The following TCF4 variants were observed in gnomAD, a reference collection of about 807,000 sequenced individuals.
TCF4 encodes the protein transcription factor 4.
TCF4 carries 3 observed loss-of-function variants against 82.1 expected under a neutral mutation model. The observed-to-expected ratio is 0.04, with a 90% CI of 0.02 to 0.09. TCF4 has a LOEUF of 0.09. Ranked by LOEUF, TCF4 falls within the 10% of genes least tolerant of loss-of-function variation. TCF4 has a pLI of 1.00. For synonymous variants in TCF4, 276 were observed against 309.6 expected (o/e 0.89, Z 1.14); for missense variants, 518 against 852.7 (o/e 0.61, Z 4.89).
chr18:55,591,640 C>T (rs187661290), upstream of TCF4, among the ~76,000 whole-genome samples: 93 of 152,270 alleles, frequency 6.1e-4, no homozygotes, highest in African/African-American at 1.9e-3. Context: ...GCCTCAGCCT[C>T]CCAAGTAGCT....
At chr18:55,242,129 T>TC (rs1395949950) in intron 15 of TCF4, among the ~76,000 whole-genome samples, 14 of 152,186 alleles carry the variant, frequency 9.2e-5, no homozygotes, top group Admixed American at 9.2e-4. Flanking sequence ...GCCTCACAGA[T>TC]CCCCTCACTC....
At chr18:55,591,133 A>C (rs1186346371), upstream of TCF4, 1 of 152,240 alleles carries the variant, frequency 6.6e-6, no homozygotes, top group African/African-American at 2.4e-5. Flanking sequence ...GTTTTTACAG[A>C]ACAAGAATTA....
chr18:55,278,385 C>T (rs2061870594), intron 9 of TCF4, among the ~76,000 whole-genome samples: 1 of 152,094 alleles, frequency 6.6e-6, no homozygotes, highest in Admixed American at 6.5e-5. Context: ...TTGGTAAATT[C>T]CACATCTAAA....
At chr18:55,432,051 C>G (rs1438019282) in intron 5 of TCF4, among the ~76,000 whole-genome samples, 1 of 152,162 alleles carries the variant, frequency 6.6e-6, no homozygotes, top group African/African-American at 2.4e-5. Context: ...CCTGTAATCC[C>G]AGCACTTTGG....
At chr18:55,376,900 A>T (rs2090895712) in intron 6 of TCF4, among the ~76,000 whole-genome samples, 1 of 152,226 alleles carries the variant, frequency 6.6e-6, no homozygotes, top group Non-Finnish European at 1.5e-5. Context: ...ACATCATTTA[A>T]GGGCTTAGCT....
chr18:55,468,819 A>G (rs529293749), intron 3 of TCF4, among the ~76,000 whole-genome samples: 1 of 152,146 alleles, frequency 6.6e-6, no homozygotes, highest in South Asian at 2.1e-4. Flanking sequence ...AAATCCATTA[A>G]GGCAACATAG....
chr18:55,508,937 T>A (rs1304216532), intron 3 of TCF4, among the ~76,000 whole-genome samples: 2 of 152,230 alleles, frequency 1.3e-5, no homozygotes, highest in Admixed American at 6.5e-5. Context: ...TTATTAACTG[T>A]TAAACAGATT....
At chr18:55,587,982 A>G in intron 1 of TCF4, 56 bp downstream of exon 1, 1 of 939,640 alleles carries the variant, frequency 1.1e-6, no homozygotes, top group East Asian at 1.4e-4. Context: ...CCGAGCCCGA[A>G]CCCCGCGCCG....
At chr18:55,261,629 T>A in intron 11 of TCF4, 96 bp from the exon 12 acceptor site, 2 of 1,297,210 alleles carry the variant, frequency 1.5e-6, no homozygotes, top group Non-Finnish European at 2.2e-6. Context: ...ATTGCATTTT[T>A]AATGCTAATT....
intron 5 of TCF4, among the ~76,000 whole-genome samples, chr18:55,437,221 CT>C (rs550073128): frequency 1.1e-4 from 17 of 152,276 alleles, no homozygotes; most frequent in African/African-American, 3.8e-4. Context: ...TCTGCTAACC[CT>C]TTTTCCTTTA....
At chr18:55,621,848 GTATGTAT>G (rs1568501519) in intron 2 of TCF4, among the ~76,000 whole-genome samples, 9 of 21,220 alleles carry the variant, frequency 4.2e-4, no homozygotes, top group South Asian at 2.7e-3. Context: ...TATATACAAT[GTATGTAT>G]TATATTATAT....
rs548384811 is a variant in TCF4 at position 55,396,391 on chromosome 18, C to G, written c.369+7063G>C. Among the ~76,000 whole-genome samples, 4 of 152,318 alleles carry G rather than the reference C, an allele frequency of 2.6e-5. No individual in the cohort carries two copies. In the East Asian group the frequency reaches 7.7e-4, roughly 29 times the overall value. On this transcript the variant is annotated intron_variant, in intron 6 of 19. Coordinates refer to ENST00000354452, the MANE Select transcript of TCF4 (RefSeq NM_001083962.2). ...AGGCTTCCTTTAGATTAAGCCCAAA[C>G]TATCTTTTAGAAATTCACTCATTTT...
chr18:55,325,959 G>C (rs746633613), intron 8 of TCF4, among the ~76,000 whole-genome samples: 3 of 152,082 alleles, frequency 2.0e-5, no homozygotes, highest in Non-Finnish European at 4.4e-5. Flanking sequence ...ACAGTACAGT[G>C]ACACACAATT....
intron 2 of TCF4, among the ~76,000 whole-genome samples, chr18:55,614,446 T>A (rs1235815032): frequency 6.6e-6 from 1 of 151,966 alleles, no homozygotes; most frequent in Non-Finnish European, 1.5e-5. Context: ...AAGATATGGA[T>A]GATCATTTTA....
chr18:55,365,898 A>T (rs989222982), intron 6 of TCF4, among the ~76,000 whole-genome samples: 8 of 152,170 alleles, frequency 5.3e-5, no homozygotes, highest in African/African-American at 1.9e-4. Context: ...ATCCCAAAAA[A>T]AGCAAAACAA....
intron 3 of TCF4, among the ~76,000 whole-genome samples, chr18:55,556,223 T>G (rs2097302934): frequency 6.6e-6 from 1 of 152,144 alleles, no homozygotes; most frequent in Non-Finnish European, 1.5e-5. Flanking sequence ...TTTTCCAGAA[T>G]AGCATTTTTT....
At chr18:55,421,749 G>A (rs2094766981) in intron 5 of TCF4, among the ~76,000 whole-genome samples, 1 of 152,066 alleles carries the variant, frequency 6.6e-6, no homozygotes, top group African/African-American at 2.4e-5. Flanking sequence ...GTCAGACTCT[G>A]TTTAAGTTTT....
chr18:55,225,217 A>T lies in TCF4; in HGVS notation c.*2818T>A, dbSNP rs1396148223. On this transcript the variant is annotated 3_prime_UTR_variant, in exon 20 of 20. Transcript: ENST00000354452. Reference sequence around the variant, plus strand: ...TTATTTCCAAAGGGAATTCAACAATAGAGGTATTGCATTACTGAGTAATGA... The same window carrying T: ...TTATTTCCAAAGGGAATTCAACAATTGAGGTATTGCATTACTGAGTAATGA... 1.3e-5 allele frequency: 2 copies of T among 152,636 alleles called. No homozygotes were observed. The highest frequency in any genetic ancestry group is 2.9e-5 in the Non-Finnish European group (2 of 68,014). The allele number at this position is 152,636 out of a possible 1,614,324, so 9.5% of individuals were successfully genotyped here. A position where few individuals can be genotyped will look rare whatever the true frequency, so the allele number is the denominator to read the frequency against.
At chr18:55,270,267 C>A (rs1006369174) in intron 10 of TCF4, among the ~76,000 whole-genome samples, 4 of 152,004 alleles carry the variant, frequency 2.6e-5, no homozygotes, top group Non-Finnish European at 5.9e-5. Flanking sequence ...AGGGTTTCGG[C>A]AACATAAAAG....
Sources: gnomAD v4.1 joint callset for allele counts (sites outside exome capture counted in the v4.1 genomes callset) on GRCh38, gnomAD v4.1.1 for gene constraint, MANE v1.5 for transcripts, NCBI Gene and HGNC (gene_info 2026-07-23, HGNC 2026-07-21) for gene names.